The following ANO2 variants were observed in gnomAD, a reference collection of about 807,000 sequenced individuals.
The protein encoded by ANO2 is anoctamin 2.
Under a neutral mutation model 124.2 loss-of-function variants are expected in ANO2, and 101 were observed. The ratio of observed to expected loss-of-function variants is 0.81; its 90% CI spans 0.69 to 0.96. The LOEUF (loss-of-function observed/expected upper bound fraction) is 0.96. Among genes scored for constraint, ANO2 ranks in the 40% least tolerant of loss-of-function variants. The pLI is 0.00. For synonymous variants in ANO2, 486 were observed against 482.5 expected (o/e 1.01, Z -0.09); for missense variants, 1,293 against 1,274.5 (o/e 1.01, Z -0.22).
At chr12:5,681,714 T>C (rs528785365) in intron 14 of ANO2, among the ~76,000 whole-genome samples, 2 of 152,348 alleles carry the variant, frequency 1.3e-5, no homozygotes, top group East Asian at 1.9e-4. Flanking sequence ...CCTCTTCTTA[T>C]TCCCTGGAGT....
intron 10 of ANO2, among the ~76,000 whole-genome samples, chr12:5,770,129 T>G (rs746921610): frequency 6.6e-6 from 1 of 152,204 alleles, no homozygotes; most frequent in African/African-American, 2.4e-5. Flanking sequence ...TCTTAACTAC[T>G]AGGCCACATG....
chr12:5,944,060 C>T (rs1942999887), intron 1 of ANO2, among the ~76,000 whole-genome samples: 1 of 152,206 alleles, frequency 6.6e-6, no homozygotes, highest in South Asian at 2.1e-4. Flanking sequence ...GAAGCAGTTG[C>T]TGGAAAGGAT....
intron 16 of ANO2, among the ~76,000 whole-genome samples, chr12:5,620,412 T>C (rs1019105018): frequency 3.3e-5 from 5 of 152,202 alleles, no homozygotes; most frequent in African/African-American, 1.2e-4. Flanking sequence ...GGCGCTACTT[T>C]GCAAAGAGCA....
intron 10 of ANO2, among the ~76,000 whole-genome samples, chr12:5,796,636 C>T (rs3782650): frequency 0.14 from 21,420 of 152,202 alleles, 2,055 homozygotes; most frequent in African/African-American, 0.28. Flanking sequence ...GAGAGCCGTG[C>T]GGGGCTGGAG....
rs748647903 is a variant in ANO2, at chr12:5,612,937, G to C, written c.1950C>G (p.Ser650Arg). 6.2e-7 allele frequency: 1 copy of C among 1,613,818 alleles called. No individual in the cohort carries two copies. Among genetic ancestry groups the C allele is most frequent in the Non-Finnish European group, 8.5e-7 (1 of 1,179,880 alleles). Residue 650 changes from serine (S) to arginine (R), a missense_variant, in exon 18 of 25, where the codon AGC becomes AGG. By Grantham distance (110) the Ser-to-Arg change is moderately radical. Coordinates refer to ENST00000682330, the MANE Select transcript of ANO2 (RefSeq NM_001364791.2). ...FKGRFVGRPGSYVYVFDGYRM... is the reference protein window; with the variant it reads ...FKGRFVGRPGRYVYVFDGYRM... ...GGTAACCATCGAATACATAGACGTA[G>C]CTTCCAGGCCTGCCCACAAACCTGA...
chr12:5,785,758 G>C (rs939809943), intron 10 of ANO2, among the ~76,000 whole-genome samples: 8 of 152,070 alleles, frequency 5.3e-5, no homozygotes, highest in African/African-American at 1.9e-4. Flanking sequence ...TGGAGCAGCA[G>C]TCCCCATGCT....
At chr12:5,841,354 C>T (rs1208910375) in intron 4 of ANO2, among the ~76,000 whole-genome samples, 1 of 152,202 alleles carries the variant, frequency 6.6e-6, no homozygotes, top group Non-Finnish European at 1.5e-5. Flanking sequence ...TAAGTTTCCC[C>T]TCAGCAACAA....
chr12:5,775,388 C>A (rs1297408808), intron 10 of ANO2, among the ~76,000 whole-genome samples: 2 of 151,360 alleles, frequency 1.3e-5, no homozygotes, highest in African/African-American at 4.9e-5. Context: ...AAAAATTATA[C>A]AAGAATAAAG....
At position 5,900,922 on chromosome 12, in the gene ANO2, C is replaced by T. The variant is rs1472245537; in HGVS notation, c.534+20118G>A. On this transcript the variant is annotated intron_variant, in intron 3 of 24. Transcript: ENST00000682330. The surrounding 1 kb of genome is among the most constrained non-coding windows in gnomAD (Gnocchi z 4.2). ...GGTCTCAGTCTAGGTCATTCCCCTG[C>T]CGGCAGCACTTTGATGGCTTTTTGT... Among the ~76,000 whole-genome samples, 1 of 152,206 alleles carries T rather than the reference C, an allele frequency of 6.6e-6. No individual in the cohort carries two copies. Among genetic ancestry groups the T allele is most frequent in the African/African-American group, 2.4e-5 (1 of 41,448 alleles).
chr12:5,583,651 TCAAAAAAAAAA>T (rs1942900355), intron 20 of ANO2: 1 of 29,292 alleles, frequency 3.4e-5, no homozygotes, highest in Non-Finnish European at 5.5e-5. Context: ...GGACTCCGTC[TCAAAAAAAAAA>T]AAAAAAAAAA....
intron 4 of ANO2, among the ~76,000 whole-genome samples, chr12:5,838,234 G>A (rs1565711548): frequency 6.6e-6 from 1 of 152,166 alleles, no homozygotes; most frequent in East Asian, 1.9e-4. Flanking sequence ...GAGTGGGACT[G>A]GGGTAAGTTT....
intron 3 of ANO2, among the ~76,000 whole-genome samples, chr12:5,887,943 T>C (rs2136268206): frequency 6.6e-6 from 1 of 151,994 alleles, no homozygotes; most frequent in South Asian, 2.1e-4. Flanking sequence ...AAAGCATGAG[T>C]GCTTAACCAC....
chr12:5,623,096 C>A (rs1243657422), intron 16 of ANO2, among the ~76,000 whole-genome samples: 1 of 152,048 alleles, frequency 6.6e-6, no homozygotes, highest in Non-Finnish European at 1.5e-5. Flanking sequence ...GCATCTCAGG[C>A]CACTAGGCAG....
At chr12:5,889,586 C>A (rs189062943) in intron 3 of ANO2, among the ~76,000 whole-genome samples, 1 of 152,390 alleles carries the variant, frequency 6.6e-6, no homozygotes, top group East Asian at 1.9e-4. Context: ...CTGTCTTACA[C>A]GTGTCCCATC....
At chr12:5,918,906 T>A (rs1279649736) in intron 3 of ANO2, among the ~76,000 whole-genome samples, 1 of 152,132 alleles carries the variant, frequency 6.6e-6, no homozygotes, top group East Asian at 1.9e-4. Context: ...TTAAGTATAA[T>A]CCAGCAAGGC....
In ANO2 at chr12:5,631,997, G is replaced by A. The variant is rs79579758; in HGVS notation, c.1816+3155C>T. ...CTGAGGACAATGGCACAGGCGTTAG[G>A]CTGTGAAAACCATCCAGACAGAGGG... is the stretch of plus-strand genomic sequence containing the variant. On this transcript the variant is annotated intron_variant, in intron 16 of 24. Transcript: ENST00000682330. 6.4e-3 allele frequency among the ~76,000 whole-genome samples: 970 copies of A among 152,256 alleles called. 9 individuals are homozygous for A. Among genetic ancestry groups the A allele is most frequent in the African/African-American group, 0.022 (894 of 41,556 alleles).
At chr12:5,599,444 G>A (rs767574168) in intron 20 of ANO2, 40 bp downstream of exon 20, 1 of 1,572,764 alleles carries the variant, frequency 6.4e-7, no homozygotes, top group East Asian at 2.3e-5. Flanking sequence ...CCCCTTGTCT[G>A]AACCTGCCCC....
intron 4 of ANO2, chr12:5,836,723 C>G (rs911020632): frequency 6.5e-6 from 1 of 154,384 alleles, no homozygotes; most frequent in South Asian, 2.0e-4. Flanking sequence ...CTCACCACCC[C>G]CTACCCGCTG....
intron 3 of ANO2, among the ~76,000 whole-genome samples, chr12:5,865,638 C>T (rs1335818736): frequency 1.3e-5 from 2 of 151,442 alleles, no homozygotes; most frequent in Admixed American, 1.3e-4. Context: ...CACCATCATA[C>T]CATCACACCA....
Sources: allele counts gnomAD v4.1 joint callset (sites outside exome capture counted in the v4.1 genomes callset), GRCh38; gene constraint gnomAD v4.1.1; non-coding constraint Gnocchi (gnomAD v3.1); transcripts MANE v1.5; gene names NCBI Gene and HGNC (gene_info 2026-07-23, HGNC 2026-07-21).